Variants in PRPF19 observed in about 807,000 individuals in gnomAD.
PRPF19 encodes the protein pre-mRNA-processing factor 19.
In PRPF19, 2 loss-of-function variants were observed where a neutral mutation model predicts 64.2. The ratio of observed to expected loss-of-function variants is 0.03; its 90% CI spans 0.01 to 0.10. The LOEUF (loss-of-function observed/expected upper bound fraction) is 0.10. Among genes scored for constraint, PRPF19 ranks in the 10% least tolerant of loss-of-function variants. PRPF19 has a pLI of 1.00. For missense variants in PRPF19, 314 were observed against 650.0 expected (o/e 0.48, Z 5.62); for synonymous variants, 226 against 251.6 (o/e 0.90, Z 0.96).
intron 15 of PRPF19, among the ~76,000 whole-genome samples, chr11:60,896,407 C>T (rs541479573): frequency 6.6e-6 from 1 of 152,260 alleles, no homozygotes; most frequent in East Asian, 1.9e-4. Flanking sequence ...CTTTGTGCCG[C>T]CACCCAAATC....
Position 60,898,571 on chromosome 11 carries a change from C to T in PRPF19, c.1110G>A (p.Met370Ile). 6.2e-7 allele frequency: 1 copy of T among 1,614,140 alleles called. No homozygotes were observed. Among genetic ancestry groups the T allele is most frequent in the South Asian group, 1.1e-5 (1 of 91,050 alleles). Reference sequence around the variant, plus strand: ...AGTCCCAGATCTTGATCTGAGAGTCCATGGTTCCTGTTCCAAAGATGAGTC... The same window carrying T: ...AGTCCCAGATCTTGATCTGAGAGTCTATGGTTCCTGTTCCAAAGATGAGTC... The part of the protein sequence containing the change: ...PDGLIFGTGT[M>I]DSQIKIWDLK... The change falls in exon 13 of 16, where the codon ATG (methionine) becomes ATA (isoleucine). Residue 370 changes from methionine to isoleucine, a missense_variant. Transcript: ENST00000227524. This position sits in a 1 kb window ranked among gnomAD's most constrained non-coding sequence, Gnocchi z 4.6.
Position 60,906,513 on chromosome 11 carries a change from C to A in PRPF19, c.-131G>T, listed in dbSNP as rs1378213225. 1.0e-6 allele frequency: 1 copy of A among 972,434 alleles called. No individual in the cohort carries two copies. Among genetic ancestry groups the A allele is most frequent in the South Asian group, 1.6e-5 (1 of 63,916 alleles). 60.2% of individuals were successfully genotyped at this position (972,434 alleles called of 1,614,324 possible). Reference sequence around the variant, plus strand: ...GGCGAGCTGGGAGCCGCCAGCCGAGCGATGCTAGCGTAGCGCTTCACGTGG... The same window carrying A: ...GGCGAGCTGGGAGCCGCCAGCCGAGAGATGCTAGCGTAGCGCTTCACGTGG... On this transcript the variant is annotated 5_prime_UTR_variant, in exon 1 of 16. Coordinates refer to ENST00000227524, the MANE Select transcript of PRPF19 (RefSeq NM_014502.5).
At position 60,898,639 on chromosome 11, in the gene PRPF19, G is replaced by A. The variant is rs1212070257; in HGVS notation, c.1055-13C>T. On this transcript the variant is annotated splice_polypyrimidine_tract_variant and intron_variant, in intron 12 of 15. Transcript: ENST00000227524. The surrounding 1 kb of genome is among the most constrained non-coding windows in gnomAD (Gnocchi z 4.6). ...GCACAGGTGAGAGCTGTGGAGGAGG[G>A]AAGAGAGACCTGTGGTCAGAGCCCA... 1 of 1,614,050 alleles carries A rather than the reference G, an allele frequency of 6.2e-7. No homozygotes were observed. Among genetic ancestry groups the A allele is most frequent in the Non-Finnish European group, 8.5e-7 (1 of 1,180,000 alleles).
chr11:60,891,335 C>T lies in PRPF19; in HGVS notation c.1418-72G>A, dbSNP rs1053377262. The T allele has an allele frequency of 8.0e-5, 93 of 1,155,608 alleles. No individual in the cohort carries two copies. In the African/African-American group the frequency reaches 1.3e-3, roughly 16 times the overall value. The allele number at this position is 1,155,608 out of a possible 1,614,324, so 71.6% of individuals were successfully genotyped here. On this transcript the variant is annotated intron_variant, in intron 15 of 15. Coordinates refer to ENST00000227524, the MANE Select transcript of PRPF19 (RefSeq NM_014502.5). ...TAGTCTGAACACTGATCCCTAATAA[C>T]AGATTCCCAAACAACCAGGCCTTCT... is the stretch of plus-strand genomic sequence containing the variant.
intron 15 of PRPF19, 106 bp downstream of exon 15, chr11:60,897,740 C>T: frequency 2.2e-6 from 2 of 918,014 alleles, no homozygotes; most frequent in East Asian, 4.8e-5. Flanking sequence ...TAACAGAAAG[C>T]TGCTTAGGTA....
chr11:60,891,685 G>C (rs1365069154), intron 15 of PRPF19, among the ~76,000 whole-genome samples: 2 of 152,200 alleles, frequency 1.3e-5, no homozygotes, highest in East Asian at 3.8e-4. Flanking sequence ...CAGATAAGAG[G>C]CAGATGAGGC....
chr11:60,901,251 A>G (rs1855981435), intron 8 of PRPF19, 44 bp downstream of exon 8: 1 of 1,605,278 alleles, frequency 6.2e-7, no homozygotes, highest in South Asian at 1.1e-5. Context: ...CCAGAAACAA[A>G]ACGGGAGGGC....
chr11:60,902,551 T>C lies in PRPF19; in HGVS notation c.462+32A>G. The C allele has an allele frequency of 6.2e-7, 1 of 1,608,368 alleles. No individual in the cohort carries two copies. The highest frequency in any genetic ancestry group is 8.5e-7 in the Non-Finnish European group (1 of 1,174,860). On this transcript the variant is annotated intron_variant, in intron 5 of 15. Transcript: ENST00000227524. This position sits in a 1 kb window ranked among gnomAD's most constrained non-coding sequence, Gnocchi z 5.0. Reference sequence around the variant, plus strand: ...AGTTCTGTGGGCCACTGTACACAAATGGGCTGCTGGTAAGGGAAGGGGGAC... The same window carrying C: ...AGTTCTGTGGGCCACTGTACACAAACGGGCTGCTGGTAAGGGAAGGGGGAC...
At chr11:60,899,679 T>C (rs1033011666) in intron 10 of PRPF19, among the ~76,000 whole-genome samples, 2 of 152,246 alleles carry the variant, frequency 1.3e-5, no homozygotes, top group African/African-American at 4.8e-5. Context: ...TAACTGCTAC[T>C]GTACTGTATG....
At position 60,891,127 on chromosome 11, in the gene PRPF19, A is replaced by G. The variant is rs375790221; in HGVS notation, c.*39T>C. On this transcript the variant is annotated 3_prime_UTR_variant, in exon 16 of 16. Coordinates refer to ENST00000227524, the MANE Select transcript of PRPF19 (RefSeq NM_014502.5). ...CCCCAAACCCTAATTCTACCCCTCTACTGAGATGAGGCCCAGCTTCCATCA... is the reference window on the plus strand; with the variant it reads ...CCCCAAACCCTAATTCTACCCCTCTGCTGAGATGAGGCCCAGCTTCCATCA... The G allele has an allele frequency of 6.3e-6, 6 of 949,408 alleles. No homozygotes were observed. In the African/African-American group the frequency reaches 1.4e-4, roughly 22 times the overall value. The allele number at this position is 949,408 out of a possible 1,614,324, so 58.8% of individuals were successfully genotyped here. A position where few individuals can be genotyped will look rare whatever the true frequency, so the allele number is the denominator to read the frequency against.
At chr11:60,906,045 G>C (rs1254271182) in intron 1 of PRPF19, among the ~76,000 whole-genome samples, 1 of 152,230 alleles carries the variant, frequency 6.6e-6, no homozygotes, top group Non-Finnish European at 1.5e-5. Flanking sequence ...AAGACCTCGA[G>C]TTTTCTGACT....
Position 60,901,557 on chromosome 11 carries a change from T to A in PRPF19, c.526-17A>T, listed in dbSNP as rs1342857747. On this transcript the variant is annotated splice_polypyrimidine_tract_variant and intron_variant, in intron 6 of 15. Transcript: ENST00000227524. Reference sequence around the variant, plus strand: ...GTCTTGAAGCTGGGGAAGAACAGGCTCAATGTGAGACAAATCATCTTGCAA... The same window carrying A: ...GTCTTGAAGCTGGGGAAGAACAGGCACAATGTGAGACAAATCATCTTGCAA... The A allele has an allele frequency of 6.2e-7, 1 of 1,614,020 alleles. No homozygotes were observed. Among genetic ancestry groups the A allele is most frequent in the South Asian group, 1.1e-5 (1 of 91,062 alleles).
At position 60,898,487 on chromosome 11, in the gene PRPF19, TCACAAA is replaced by T; in HGVS notation, c.1140+48_1140+53del. 6.2e-7 allele frequency: 1 copy of T among 1,612,980 alleles called. No homozygotes were observed. The stretch of plus-strand genomic sequence containing the variant: ...CAAGCACCTAATTAGCACTGCATTG[TCACAAA>T]CACTCCCTCTGGCCCTGGGCCTCAG... On this transcript the variant is annotated intron_variant, in intron 13 of 15. Coordinates refer to ENST00000227524, the MANE Select transcript of PRPF19 (RefSeq NM_014502.5). The surrounding 1 kb of genome is among the most constrained non-coding windows in gnomAD (Gnocchi z 4.6).
intron 1 of PRPF19, among the ~76,000 whole-genome samples, chr11:60,904,230 C>T (rs992369204): frequency 2.0e-5 from 3 of 152,216 alleles, no homozygotes; most frequent in Non-Finnish European, 4.4e-5. Context: ...CATGGAGATA[C>T]ACATGAAGCC....
chr11:60,900,796 G>A, intron 9 of PRPF19, 58 bp downstream of exon 9: 1 of 1,602,090 alleles, frequency 6.2e-7, no homozygotes, highest in Non-Finnish European at 8.5e-7. Context: ...CAAGGAGCAT[G>A]CGCCTTCCCT....
intron 15 of PRPF19, among the ~76,000 whole-genome samples, chr11:60,894,599 A>G (rs1490243718): frequency 1.3e-5 from 2 of 152,160 alleles, no homozygotes; most frequent in African/African-American, 4.8e-5. Context: ...GGTTGGAATC[A>G]ATTTCTTCCA....
intron 15 of PRPF19, among the ~76,000 whole-genome samples, chr11:60,892,939 A>G (rs1855878583): frequency 6.6e-6 from 1 of 150,382 alleles, no homozygotes; most frequent in African/African-American, 2.4e-5. Flanking sequence ...ATCCCCCCAC[A>G]TAACTTGTGT....
chr11:60,896,349 G>C (rs1855920626), intron 15 of PRPF19, among the ~76,000 whole-genome samples: 1 of 152,216 alleles, frequency 6.6e-6, no homozygotes, highest in Non-Finnish European at 1.5e-5. Context: ...CCTTCCGGTG[G>C]GAAAAGATGT....
intron 1 of PRPF19, among the ~76,000 whole-genome samples, chr11:60,905,135 T>C (rs749827289): frequency 5.3e-5 from 8 of 152,266 alleles, no homozygotes; most frequent in South Asian, 2.1e-4. Context: ...GTAATTCATC[T>C]TCACAACAAC....
Sources: gnomAD v4.1 joint callset for allele counts (sites outside exome capture counted in the v4.1 genomes callset) on GRCh38, gnomAD v4.1.1 for gene constraint, Gnocchi (gnomAD v3.1) non-coding constraint, MANE v1.5 for transcripts, NCBI Gene and HGNC (gene_info 2026-07-23, HGNC 2026-07-21) for gene names.